Variants in SUMF1 observed in about 807,000 individuals in gnomAD.
SUMF1 encodes the protein formylglycine-generating enzyme.
A neutral mutation model predicts 47.6 loss-of-function variants in SUMF1; 48 were observed. That is an observed-to-expected ratio of 1.01 (90% confidence interval 0.80 to 1.28). The LOEUF is 1.28. Among genes scored for constraint, SUMF1 ranks in the 50% most tolerant of loss-of-function variants. The pLI, the probability that SUMF1 is intolerant of heterozygous loss-of-function variation, is 0.00. For missense variants in SUMF1, 571 were observed against 485.4 expected (o/e 1.18, Z -1.66); for synonymous variants, 230 against 192.1 (o/e 1.20, Z -1.63).
At chr3:4,157,584 G>A (rs1030321121) in intron 8 of SUMF1, among the ~76,000 whole-genome samples, 8 of 151,402 alleles carry the variant, frequency 5.3e-5, no homozygotes, top group South Asian at 2.1e-4. Flanking sequence ...TGACTTCTAG[G>A]TCATCCTGCT....
rs1355528830 is a variant in SUMF1 at position 4,386,791 on chromosome 3, T to A, written c.955-10402A>T. Reference sequence around the variant, plus strand: ...TGAGAAAATCTTTGTATTCCTATTTTCCTGAGAATTTTTGTTATAAATGAG... The same window carrying A: ...TGAGAAAATCTTTGTATTCCTATTTACCTGAGAATTTTTGTTATAAATGAG... On this transcript the variant is annotated intron_variant, in intron 7 of 8. Transcript: ENST00000272902. 2.0e-5 allele frequency among the ~76,000 whole-genome samples: 3 copies of A among 152,042 alleles called. No individual in the cohort carries two copies. In the East Asian group the frequency reaches 5.8e-4, roughly 29 times the overall value.
intron 8 of SUMF1, among the ~76,000 whole-genome samples, chr3:4,340,158 G>A (rs187282847): frequency 7.9e-5 from 12 of 151,982 alleles, no homozygotes; most frequent in Admixed American, 2.6e-4. Flanking sequence ...CCCCAACTCC[G>A]GAGTTGTTAA....
chr3:4,100,239 G>A (rs565251264), intron 8 of SUMF1, among the ~76,000 whole-genome samples: 15 of 151,594 alleles, frequency 9.9e-5, no homozygotes, highest in Admixed American at 3.3e-4. Context: ...CAAAGCAATC[G>A]TGACCAAAAA....
rs376079628 is a variant in SUMF1 at position 4,224,912 on chromosome 3, T to C, written c.1014+151418A>G. 8.5e-5 allele frequency among the ~76,000 whole-genome samples: 13 copies of C among 152,242 alleles called. No homozygotes were observed. The East Asian group carries it at 2.1e-3, about 25-fold the overall frequency. ...TACAGTTCTCTCCTTAATTCTATGG[T>C]CTGCACCACCATCCTTCCCAGTTGC... On this transcript the variant is annotated intron_variant and NMD_transcript_variant, in intron 8 of 12. Coordinates refer to the SUMF1 transcript ENST00000448413.
chr3:4,212,211 G>A (rs1163641664), intron 8 of SUMF1, among the ~76,000 whole-genome samples: 1 of 152,072 alleles, frequency 6.6e-6, no homozygotes. Flanking sequence ...TGCCCCTCTG[G>A]GACAAAACTT....
At chr3:4,207,348 C>T (rs1176712298) in intron 8 of SUMF1, among the ~76,000 whole-genome samples, 1 of 152,164 alleles carries the variant, frequency 6.6e-6, no homozygotes, top group East Asian at 1.9e-4. Context: ...TGCACTGCCT[C>T]GAATGTCCAG....
intron 8 of SUMF1, among the ~76,000 whole-genome samples, chr3:4,119,475 T>G (rs1234185054): frequency 6.6e-6 from 1 of 152,074 alleles, no homozygotes; most frequent in Non-Finnish European, 1.5e-5. Flanking sequence ...CCTGAATGCC[T>G]CAGGCTCCTT....
chr3:4,248,131 G>A (rs116124551), intron 8 of SUMF1, among the ~76,000 whole-genome samples: 1 of 152,102 alleles, frequency 6.6e-6, no homozygotes, highest in Admixed American at 6.5e-5. Flanking sequence ...ATATATTTTT[G>A]TCCTGGGTAA....
At chr3:4,443,618 A>G (rs1702680782) in intron 3 of SUMF1, among the ~76,000 whole-genome samples, 1 of 152,058 alleles carries the variant, frequency 6.6e-6, no homozygotes, top group African/African-American at 2.4e-5. Flanking sequence ...CAAAACAATT[A>G]GCCAGGTGTG....
At chr3:4,354,469 C>G (rs1699574777) in intron 8 of SUMF1, among the ~76,000 whole-genome samples, 2 of 152,108 alleles carry the variant, frequency 1.3e-5, no homozygotes, top group African/African-American at 4.8e-5. Flanking sequence ...GAGGTGGATT[C>G]AAGAAGAAAA....
chr3:4,430,410 G>A (rs1221468778), intron 3 of SUMF1, among the ~76,000 whole-genome samples: 1 of 152,062 alleles, frequency 6.6e-6, no homozygotes, highest in Non-Finnish European at 1.5e-5. Flanking sequence ...ATGTAATGTT[G>A]GTTGGACAAG....
chr3:4,422,506 A>C (rs991958178), intron 3 of SUMF1, among the ~76,000 whole-genome samples: 51 of 152,212 alleles, frequency 3.4e-4, no homozygotes, highest in Non-Finnish European at 4.7e-4. Flanking sequence ...AAAAAAAAAA[A>C]ACATGATTTG....
At chr3:4,432,449 C>A (rs1045818308) in intron 3 of SUMF1, among the ~76,000 whole-genome samples, 2 of 152,062 alleles carry the variant, frequency 1.3e-5, no homozygotes, top group East Asian at 3.9e-4. Flanking sequence ...CAGATGAAAA[C>A]CAAACACCTT....
chr3:4,403,467 T>C (rs893572995), intron 7 of SUMF1, among the ~76,000 whole-genome samples: 7 of 152,160 alleles, frequency 4.6e-5, no homozygotes, highest in African/African-American at 1.7e-4. Flanking sequence ...GGAATGTAAC[T>C]GGGTTGCCCT....
chr3:4,201,008 A>T (rs1695529581), intron 8 of SUMF1, among the ~76,000 whole-genome samples: 1 of 152,122 alleles, frequency 6.6e-6, no homozygotes, highest in East Asian at 1.9e-4. Context: ...AATTTTTTAT[A>T]GGTACCTAGT....
chr3:4,366,955 G>A (rs1256868630), intron 8 of SUMF1, among the ~76,000 whole-genome samples: 1 of 152,190 alleles, frequency 6.6e-6, no homozygotes, highest in African/African-American at 2.4e-5. Context: ...CTCAGCTGCA[G>A]GTCTGTTGGA....
chr3:4,377,420 C>A (rs761909510), intron 7 of SUMF1, among the ~76,000 whole-genome samples: 5 of 152,064 alleles, frequency 3.3e-5, no homozygotes, highest in Non-Finnish European at 7.4e-5. Context: ...CTCCATCCAA[C>A]CTTGGAGGTA....
intron 4 of SUMF1, among the ~76,000 whole-genome samples, chr3:4,418,899 G>A (rs1218068845): frequency 6.6e-6 from 1 of 152,192 alleles, no homozygotes; most frequent in African/African-American, 2.4e-5. Flanking sequence ...GATGGCTTTG[G>A]CTGAATTCCC....
At chr3:4,056,100 G>A (rs370305967) in intron 9 of SUMF1, among the ~76,000 whole-genome samples, 1 of 152,056 alleles carries the variant, frequency 6.6e-6, no homozygotes, top group Non-Finnish European at 1.5e-5. Context: ...ATGGTCAGCT[G>A]ATTAGCAACT....
Sources: gnomAD v4.1 joint callset for allele counts (sites outside exome capture counted in the v4.1 genomes callset) on GRCh38, gnomAD v4.1.1 for gene constraint, MANE v1.5 for transcripts, NCBI Gene and HGNC (gene_info 2026-07-23, HGNC 2026-07-21) for gene names.